The following EPB41L5 variants were observed in gnomAD, a reference collection of about 807,000 sequenced individuals.
EPB41L5 encodes band 4.1-like protein 5.
A neutral mutation model predicts 106.6 loss-of-function variants in EPB41L5; 55 were observed. The ratio of observed to expected loss-of-function variants is 0.52; its 90% CI spans 0.42 to 0.65. The LOEUF (loss-of-function observed/expected upper bound fraction) is 0.65. EPB41L5 is among the 30% of genes least tolerant of loss of function. EPB41L5 has a pLI of 0.00. For missense variants in EPB41L5, 871 were observed against 882.1 expected (o/e 0.99, Z 0.16); for synonymous variants, 297 against 306.7 (o/e 0.97, Z 0.33).
intron 20 of EPB41L5, among the ~76,000 whole-genome samples, chr2:120,156,698 A>G (rs999671922): frequency 1.3e-5 from 2 of 152,246 alleles, no homozygotes; most frequent in African/African-American, 4.8e-5. Context: ...ACAGACCTGT[A>G]TTACATAACA....
chr2:120,151,305 AT>A (rs1191132685), intron 20 of EPB41L5, among the ~76,000 whole-genome samples: 17 of 151,704 alleles, frequency 1.1e-4, no homozygotes, highest in East Asian at 3.9e-4. Flanking sequence ...ATCTCAAAAA[AT>A]AATAATAATA....
intron 3 of EPB41L5, among the ~76,000 whole-genome samples, chr2:120,057,252 T>C (rs1431726520): frequency 1.3e-5 from 2 of 152,160 alleles, no homozygotes; most frequent in African/African-American, 2.4e-5. Context: ...GGGATTGGGA[T>C]AGTAGGCATA....
chr2:120,087,662 A>G (rs1683148013), intron 11 of EPB41L5, among the ~76,000 whole-genome samples: 1 of 152,002 alleles, frequency 6.6e-6, no homozygotes, highest in Non-Finnish European at 1.5e-5. Context: ...TGATTTTTTC[A>G]TTTATTTGTA....
intron 1 of EPB41L5, chr2:120,013,482 C>T (rs1677284561): frequency 6.6e-6 from 1 of 152,172 alleles, no homozygotes; most frequent in African/African-American, 2.4e-5. Context: ...CCGGGGCAGC[C>T]GGGTTAATGT....
intron 11 of EPB41L5, 22 bp downstream of exon 11, chr2:120,087,262 A>G (rs1290318301): frequency 1.5e-6 from 2 of 1,357,736 alleles, no homozygotes; most frequent in East Asian, 2.3e-5. Flanking sequence ...ATTATATTCT[A>G]TTACTTGTGT....
In EPB41L5 at chr2:120,143,006, G is replaced by A; in HGVS notation, c.1603G>A (p.Glu535Lys). Reference protein sequence around the residue: ...NIDVNINSQEEVVKLTEKCLN... With the variant: ...NIDVNINSQEKVVKLTEKCLN... Reference sequence around the variant, plus strand: ...AGTATATTTTTAAAATATCTAGGAGGAAGTGGTGAAGTTGACTGAGAAATG... The same window carrying A: ...AGTATATTTTTAAAATATCTAGGAGAAAGTGGTGAAGTTGACTGAGAAATG... The change falls in exon 19 of 25, where the codon GAA (glutamate) becomes AAA (lysine). Residue 535 changes from glutamate to lysine, a missense_variant. Physicochemically the swap from Glu to Lys is moderately conservative, Grantham distance 56 (BLOSUM62 1). Transcript: ENST00000263713. 9 of 1,611,342 alleles carry A rather than the reference G, an allele frequency of 5.6e-6. No individual in the cohort carries two copies. The South Asian group carries it at 7.7e-5, about 14-fold the overall frequency.
chr2:120,061,472 C>T (rs1256598610), intron 3 of EPB41L5, among the ~76,000 whole-genome samples: 4 of 151,942 alleles, frequency 2.6e-5, no homozygotes, highest in Non-Finnish European at 4.4e-5. Flanking sequence ...ATCCGCCCGC[C>T]TCGGCCTCCC....
chr2:120,050,468 C>T (rs953180752), intron 3 of EPB41L5, among the ~76,000 whole-genome samples: 6 of 152,246 alleles, frequency 3.9e-5, no homozygotes, highest in South Asian at 2.1e-4. Flanking sequence ...GAAGCTTGTG[C>T]ATGCATCACG....
At chr2:120,100,664 G>A (rs541546869) in intron 15 of EPB41L5, 35 bp from the exon 16 acceptor site, 13 of 1,492,264 alleles carry the variant, frequency 8.7e-6, no homozygotes, top group African/African-American at 2.8e-5. Flanking sequence ...TGTTATCGAG[G>A]CAAAATAGAT....
intron 2 of EPB41L5, among the ~76,000 whole-genome samples, chr2:120,035,307 A>G: frequency 6.6e-6 from 1 of 152,270 alleles, no homozygotes; most frequent in East Asian, 1.9e-4. Context: ...TATGTTATCC[A>G]GGCCAGTCTC....
intron 10 of EPB41L5, among the ~76,000 whole-genome samples, chr2:120,079,093 A>G (rs1682454250): frequency 6.6e-6 from 1 of 152,140 alleles, no homozygotes; most frequent in Non-Finnish European, 1.5e-5. Flanking sequence ...AGTCCATCAG[A>G]TTTTGTCTGG....
Position 120,160,914 on chromosome 2 carries a change from C to T in EPB41L5, c.1827C>T (p.Pro609=). ...AVLNENNVPL[P]KESLETLMLI... ...TAAATGAGAATAATGTGCCCCTCCC[C>T]AAAGAGTCTCTTGAGACTCTGATGC... Residue 609 remains proline, a synonymous_variant, in exon 21 of 25, where the codon CCC becomes CCT. Coordinates refer to ENST00000263713, the MANE Select transcript of EPB41L5 (RefSeq NM_020909.4). The T allele has an allele frequency of 3.7e-6, 6 of 1,613,640 alleles. No homozygotes were observed. Among genetic ancestry groups the T allele is most frequent in the South Asian group, 1.1e-5 (1 of 91,060 alleles).
At chr2:120,131,158 G>A (rs552851549) in intron 17 of EPB41L5, among the ~76,000 whole-genome samples, 3 of 152,256 alleles carry the variant, frequency 2.0e-5, no homozygotes, top group South Asian at 4.2e-4. Flanking sequence ...ATCAGTGAAC[G>A]AATAAATATA....
chr2:120,038,350 G>C (rs1406994544), intron 2 of EPB41L5, among the ~76,000 whole-genome samples: 1 of 152,208 alleles, frequency 6.6e-6, no homozygotes, highest in African/African-American at 2.4e-5. Flanking sequence ...CAAGTGGCTG[G>C]TTTTAAAAAG....
At chr2:120,040,008 G>C (rs1392128035) in intron 2 of EPB41L5, among the ~76,000 whole-genome samples, 2 of 151,536 alleles carry the variant, frequency 1.3e-5, no homozygotes, top group African/African-American at 4.8e-5. Flanking sequence ...TTCTAGCGTT[G>C]TCATTGTTTT....
chr2:120,023,441 T>A (rs1317252083), intron 2 of EPB41L5, among the ~76,000 whole-genome samples: 1 of 152,218 alleles, frequency 6.6e-6, no homozygotes, highest in African/African-American at 2.4e-5. Flanking sequence ...AAATAGGGAA[T>A]CGTTTCCCCA....
intron 2 of EPB41L5, among the ~76,000 whole-genome samples, chr2:120,026,357 T>G (rs540213685): frequency 1.1e-3 from 167 of 151,432 alleles, no homozygotes; most frequent in Non-Finnish European, 1.9e-3. Context: ...CTTTCTGTTT[T>G]TTTGTTTGTT....
intron 22 of EPB41L5, among the ~76,000 whole-genome samples, chr2:120,166,388 T>C (rs1376835880): frequency 6.6e-6 from 1 of 152,212 alleles, no homozygotes; most frequent in Non-Finnish European, 1.5e-5. Flanking sequence ...TTATTTATGA[T>C]ATTTTTTCTC....
intron 16 of EPB41L5, among the ~76,000 whole-genome samples, chr2:120,127,127 T>C (rs1685489577): frequency 2.0e-5 from 3 of 152,180 alleles, no homozygotes; most frequent in South Asian, 4.1e-4. Context: ...GTGGAACTTA[T>C]TTATTTAGGT....
Sources: allele counts gnomAD v4.1 joint callset (sites outside exome capture counted in the v4.1 genomes callset), GRCh38; gene constraint gnomAD v4.1.1; transcripts MANE v1.5; gene names NCBI Gene and HGNC (gene_info 2026-07-23, HGNC 2026-07-21).